Variants in PDZRN4 observed in about 807,000 individuals in gnomAD.
PDZRN4 encodes PDZ domain-containing RING finger protein 4.
In PDZRN4, 70 loss-of-function variants were observed where a neutral mutation model predicts 99.0. That is an observed-to-expected ratio of 0.71 (90% CI 0.58 to 0.86). The LOEUF (loss-of-function observed/expected upper bound fraction) is 0.86. Among genes scored for constraint, PDZRN4 ranks in the 40% least tolerant of loss-of-function variants. PDZRN4 has a pLI of 0.00. For synonymous variants in PDZRN4, 551 were observed against 501.6 expected, an observed-to-expected ratio of 1.10 and a Z score of -1.32; for missense variants, 1,474 against 1,331.2, an observed-to-expected ratio of 1.11 and a Z score of -1.67.
chr12:41,328,035 T>C (rs978101954), intron 3 of PDZRN4, among the ~76,000 whole-genome samples: 10 of 152,128 alleles, frequency 6.6e-5, no homozygotes, highest in Non-Finnish European at 1.5e-4. Context: ...ATATGGTATA[T>C]ATATGATTAG....
chr12:41,249,711 G>T (rs557761968), intron 3 of PDZRN4, among the ~76,000 whole-genome samples: 140 of 152,312 alleles, frequency 9.2e-4, no homozygotes, highest in Non-Finnish European at 1.6e-3. Flanking sequence ...ACTGGGGCCT[G>T]AAGTATTATG....
intron 3 of PDZRN4, among the ~76,000 whole-genome samples, chr12:41,330,112 G>C (rs1268352915): frequency 6.6e-6 from 1 of 152,094 alleles, no homozygotes; most frequent in Non-Finnish European, 1.5e-5. Context: ...GGATTATCAT[G>C]TATTGTTTAA....
chr12:41,255,186 G>A (rs1951195859), intron 3 of PDZRN4, among the ~76,000 whole-genome samples: 1 of 152,150 alleles, frequency 6.6e-6, no homozygotes, highest in African/African-American at 2.4e-5. Flanking sequence ...GGTGTAGTGG[G>A]GCCAGAGTAT....
At chr12:41,229,784 C>G (rs1951016855) in intron 3 of PDZRN4, among the ~76,000 whole-genome samples, 1 of 152,098 alleles carries the variant, frequency 6.6e-6, no homozygotes, top group Admixed American at 6.6e-5. Flanking sequence ...CAGACTTTCT[C>G]TACCTTCAGA....
At chr12:41,300,044 A>G (rs1336054578) in intron 3 of PDZRN4, among the ~76,000 whole-genome samples, 4 of 151,918 alleles carry the variant, frequency 2.6e-5, no homozygotes, top group Non-Finnish European at 5.9e-5. Flanking sequence ...TACAATATTT[A>G]TGAATGTATA....
intron 3 of PDZRN4, among the ~76,000 whole-genome samples, chr12:41,420,377 C>T (rs1358380955): frequency 2.6e-5 from 4 of 152,142 alleles, no homozygotes; most frequent in African/African-American, 9.7e-5. Flanking sequence ...ATCCTACTGT[C>T]TCCTAGAATT....
chr12:41,456,961 C>T (rs1952821318), intron 3 of PDZRN4, among the ~76,000 whole-genome samples: 1 of 152,114 alleles, frequency 6.6e-6, no homozygotes, highest in Admixed American at 6.5e-5. Context: ...AAGTTTGCAG[C>T]CATAGTGTGT....
intron 6 of PDZRN4, among the ~76,000 whole-genome samples, chr12:41,554,810 CGTGT>C (rs557436970): frequency 1.3e-5 from 2 of 151,038 alleles, no homozygotes; most frequent in Admixed American, 6.6e-5. Context: ...ATCAGATGTG[CGTGT>C]GTGTGTATGT....
intron 5 of PDZRN4, among the ~76,000 whole-genome samples, chr12:41,552,446 C>T (rs1017044298): frequency 3.3e-5 from 5 of 151,126 alleles, no homozygotes; most frequent in Admixed American, 1.3e-4. Flanking sequence ...AAACTTACAA[C>T]AAAAATATAA....
intron 7 of PDZRN4, among the ~76,000 whole-genome samples, chr12:41,562,453 G>A (rs563374910): frequency 1.3e-3 from 199 of 152,230 alleles, no homozygotes; most frequent in African/African-American, 4.4e-3. Context: ...AGAATGGTCA[G>A]TGCTGCTACA....
chr12:41,191,272 T>G (rs1950733700), intron 1 of PDZRN4, among the ~76,000 whole-genome samples, 186 bp from the exon 2 acceptor site: 1 of 152,220 alleles, frequency 6.6e-6, no homozygotes. Flanking sequence ...TTGTTCTTTT[T>G]CAAATACATA....
At chr12:41,414,898 C>T (rs1952431236) in intron 3 of PDZRN4, among the ~76,000 whole-genome samples, 1 of 152,048 alleles carries the variant, frequency 6.6e-6, no homozygotes, top group African/African-American at 2.4e-5. Context: ...ACTAGCAGAG[C>T]CAAAGGCCCT....
chr12:41,346,516 T>C (rs190841137), intron 3 of PDZRN4, among the ~76,000 whole-genome samples: 499 of 152,028 alleles, frequency 3.3e-3, no homozygotes, highest in Non-Finnish European at 5.7e-3. Context: ...TAAAATTGAT[T>C]ATGTTTTCAA....
intron 3 of PDZRN4, among the ~76,000 whole-genome samples, chr12:41,416,749 A>G (rs1459536549): frequency 6.6e-6 from 1 of 152,188 alleles, no homozygotes; most frequent in East Asian, 1.9e-4. Flanking sequence ...GGCGGTTGCT[A>G]CAAGGAATGA....
Position 41,466,751 on chromosome 12 carries a change from G to GTTT in PDZRN4, c.844-39690_844-39688dup, listed in dbSNP as rs61259671. Among the ~76,000 whole-genome samples the GTTT allele has an allele frequency of 7.6e-3, 933 of 121,962 alleles. 3 individuals are homozygous for GTTT. The highest frequency in any genetic ancestry group is 0.027 in the Middle Eastern group (6 of 226). The allele number at this position is 121,962 out of a possible 152,430, so 80.0% of individuals were successfully genotyped here. Reference sequence around the variant, plus strand: ...TTCACAAATCCTTTATATTTCCAGTGTTTTTTTTTTTTTTTTTGGTTTTGT... The same window carrying GTTT: ...TTCACAAATCCTTTATATTTCCAGTGTTTTTTTTTTTTTTTTTTTTGGTTTTGT... On this transcript the variant is annotated intron_variant, in intron 3 of 9. Coordinates refer to ENST00000402685, the MANE Select transcript of PDZRN4 (RefSeq NM_001164595.2).
intron 3 of PDZRN4, among the ~76,000 whole-genome samples, chr12:41,251,587 AAGTT>A (rs1296761211): frequency 1.3e-5 from 2 of 152,166 alleles, no homozygotes; most frequent in East Asian, 1.9e-4. Flanking sequence ...ATGTTATAAA[AAGTT>A]AGTTTATTTT....
At chr12:41,241,891 T>C (rs1371583721) in intron 3 of PDZRN4, among the ~76,000 whole-genome samples, 1 of 152,228 alleles carries the variant, frequency 6.6e-6, no homozygotes, top group Non-Finnish European at 1.5e-5. Context: ...GTCAGAACTT[T>C]CCAGTATAGC....
chr12:41,254,490 C>T (rs11180478), intron 3 of PDZRN4, among the ~76,000 whole-genome samples: 13,593 of 152,066 alleles, frequency 0.089, 798 homozygotes, highest in African/African-American at 0.17. Flanking sequence ...TATAATTATG[C>T]GAATGTTGAT....
intron 3 of PDZRN4, among the ~76,000 whole-genome samples, chr12:41,270,697 A>G (rs1406255583): frequency 6.6e-6 from 1 of 152,108 alleles, no homozygotes; most frequent in African/African-American, 2.4e-5. Flanking sequence ...TGATATTTTT[A>G]TATCCTAACA....
Sources: gnomAD v4.1 joint callset for allele counts (sites outside exome capture counted in the v4.1 genomes callset) on GRCh38, gnomAD v4.1.1 for gene constraint, MANE v1.5 for transcripts, NCBI Gene and HGNC (gene_info 2026-07-23, HGNC 2026-07-21) for gene names.